CALN1: variants seen among roughly 807,000 people sequenced by gnomAD.
CALN1 encodes calcium-binding protein 8.
Under a neutral mutation model 30.6 loss-of-function variants are expected in CALN1, and 17 were observed. The observed-to-expected ratio is 0.56, with a 90% confidence interval of 0.38 to 0.83. The LOEUF is 0.83. CALN1 is among the 40% of genes least tolerant of loss of function. The pLI is 0.00. For synonymous variants in CALN1, 156 were observed against 131.4 expected (o/e 1.19, Z -1.28); for missense variants, 291 against 354.9 (o/e 0.82, Z 1.45).
At chr7:72,217,286 A>G (rs915617188) in intron 3 of CALN1, among the ~76,000 whole-genome samples, 2 of 152,048 alleles carry the variant, frequency 1.3e-5, no homozygotes, top group Admixed American at 6.6e-5. Context: ...GTAGCACAGC[A>G]CTGTACCCCA....
intron 2 of CALN1, among the ~76,000 whole-genome samples, chr7:72,398,284 T>A (rs1218060439): frequency 6.6e-6 from 1 of 152,194 alleles, no homozygotes; most frequent in Non-Finnish European, 1.5e-5. Context: ...AGACTTTTTA[T>A]AAGCTATTCA....
Position 71,963,505 on chromosome 7 carries a change from A to G in CALN1, c.501+60152T>C, listed in dbSNP as rs1034131022. ...TTTTTAGTAGAGACAGGGTTTTGCC[A>G]TGTTGGCCAGGCTGGTCTTGAACTC... On this transcript the variant is annotated intron_variant, in intron 5 of 6. Coordinates refer to ENST00000395275, the MANE Select transcript of CALN1 (RefSeq NM_031468.4). Among the ~76,000 whole-genome samples, 4 of 151,416 alleles carry G rather than the reference A, an allele frequency of 2.6e-5. No homozygotes were observed. In the East Asian group the frequency reaches 5.8e-4, roughly 22 times the overall value.
intron 4 of CALN1, among the ~76,000 whole-genome samples, chr7:72,084,475 C>T (rs1353129988): frequency 7.3e-5 from 11 of 151,414 alleles, no homozygotes; most frequent in Non-Finnish European, 1.2e-4. Flanking sequence ...TCTCCTGCCT[C>T]GGCCTCCCAA....
chr7:72,393,059 A>T (rs976391266), intron 2 of CALN1, among the ~76,000 whole-genome samples: 5 of 152,062 alleles, frequency 3.3e-5, no homozygotes, highest in African/African-American at 1.2e-4. Context: ...TCTCTCAGTG[A>T]TTCCAATTTT....
Position 72,012,952 on chromosome 7 carries a change from C to G in CALN1, c.501+10705G>C, listed in dbSNP as rs576031878. On this transcript the variant is annotated intron_variant, in intron 5 of 6. Coordinates refer to ENST00000395275, the MANE Select transcript of CALN1 (RefSeq NM_031468.4). ...CTGGGATTACAGGTGCACGCCACCA[C>G]GCTTGGCTGATTTTTTTGTATTTTT... 3.3e-5 allele frequency among the ~76,000 whole-genome samples: 5 copies of G among 152,246 alleles called. No homozygotes were observed. In the East Asian group the frequency reaches 5.8e-4, roughly 18 times the overall value.
intron 4 of CALN1, among the ~76,000 whole-genome samples, chr7:72,054,525 A>G (rs575884097): frequency 3.3e-5 from 4 of 122,582 alleles, no homozygotes; most frequent in African/African-American, 1.3e-4. Context: ...ATATACATAT[A>G]TACATACATA....
intron 2 of CALN1, among the ~76,000 whole-genome samples, chr7:72,389,253 C>A (rs139717139): frequency 1.3e-5 from 2 of 152,194 alleles, no homozygotes; most frequent in Non-Finnish European, 2.9e-5. Flanking sequence ...AGGAATTCTT[C>A]CAGTTCTCCT....
intron 5 of CALN1, among the ~76,000 whole-genome samples, chr7:71,871,327 A>G (rs60408127): frequency 0.25 from 37,447 of 152,048 alleles, 4,948 homozygotes; most frequent in African/African-American, 0.32. Flanking sequence ...AATTGTCATC[A>G]AGCCTCATTT....
chr7:72,236,860 A>G lies in CALN1; in HGVS notation c.244+41826T>C, dbSNP rs543422035. Among the ~76,000 whole-genome samples the G allele has an allele frequency of 3.6e-4, 55 of 152,358 alleles. 1 individual carries two copies. The South Asian group carries it at 9.9e-3, about 28-fold the overall frequency. On this transcript the variant is annotated intron_variant, in intron 3 of 6. Transcript: ENST00000395275. ...AAGCAATGTTCATGGTCTTTGGCCAAGGGATAGATTTGTGTCCTAGGACAC... is the reference window on the plus strand; with the variant it reads ...AAGCAATGTTCATGGTCTTTGGCCAGGGGATAGATTTGTGTCCTAGGACAC...
chr7:71,836,528 A>G (rs543855136), intron 5 of CALN1, among the ~76,000 whole-genome samples: 24 of 152,004 alleles, frequency 1.6e-4, no homozygotes, highest in South Asian at 1.2e-3. Flanking sequence ...ACTTATCTGT[A>G]TTCCATGCTC....
At chr7:72,062,537 A>G (rs1165711347) in intron 4 of CALN1, among the ~76,000 whole-genome samples, 3 of 149,374 alleles carry the variant, frequency 2.0e-5, no homozygotes, top group African/African-American at 7.5e-5. Context: ...AAAAGAAAAA[A>G]AATAAATAAA....
intron 5 of CALN1, among the ~76,000 whole-genome samples, chr7:71,941,773 A>G (rs1796143732): frequency 6.6e-6 from 1 of 152,188 alleles, no homozygotes; most frequent in Non-Finnish European, 1.5e-5. Flanking sequence ...TATGCCAGCA[A>G]TCCCATTCCA....
chr7:72,171,591 G>A (rs1788965464), intron 3 of CALN1, among the ~76,000 whole-genome samples: 2 of 152,144 alleles, frequency 1.3e-5, no homozygotes. Context: ...AGCCTCGTAT[G>A]TTCTCAGTAC....
intron 2 of CALN1, among the ~76,000 whole-genome samples, chr7:72,371,814 C>G (rs535919034): frequency 6.6e-6 from 1 of 152,348 alleles, no homozygotes; most frequent in African/African-American, 2.4e-5. Context: ...ATTCAGTAGT[C>G]TTCCATTTCT....
At chr7:72,476,756 C>A in the CALN1 span, among the ~76,000 whole-genome samples, 1 of 152,222 alleles carries the variant, frequency 6.6e-6, no homozygotes, top group East Asian at 1.9e-4. Context: ...GAACACCTAC[C>A]ACGTGCCAGG....
chr7:71,843,768 G>C (rs117282899), intron 5 of CALN1, among the ~76,000 whole-genome samples: 1 of 152,068 alleles, frequency 6.6e-6, no homozygotes, highest in Non-Finnish European at 1.5e-5. Context: ...ATGCTCATGG[G>C]CACGCATGAG....
intron 4 of CALN1, among the ~76,000 whole-genome samples, chr7:72,105,444 G>A (rs558709337): frequency 5.2e-4 from 79 of 152,136 alleles, no homozygotes; most frequent in Non-Finnish European, 2.5e-4. Flanking sequence ...TCTTGTTTGA[G>A]GGGTTTTGGT....
At chr7:72,355,160 G>A (rs536268906) in intron 2 of CALN1, among the ~76,000 whole-genome samples, 28 of 152,162 alleles carry the variant, frequency 1.8e-4, no homozygotes, top group African/African-American at 5.5e-4. Context: ...CGCCCACCTC[G>A]GTCTCCCAAA....
At chr7:72,090,834 A>G (rs141937372) in intron 4 of CALN1, among the ~76,000 whole-genome samples, 2,200 of 152,310 alleles carry the variant, frequency 0.014, 26 homozygotes, top group Non-Finnish European at 0.022. Context: ...AGAAAGACAA[A>G]TATCTCATGT....
Sources: gnomAD v4.1 joint callset for allele counts (sites outside exome capture counted in the v4.1 genomes callset) on GRCh38, gnomAD v4.1.1 for gene constraint, MANE v1.5 for transcripts, NCBI Gene and HGNC (gene_info 2026-07-23, HGNC 2026-07-21) for gene names.